ELAVL2: variants seen among roughly 807,000 people sequenced by gnomAD.
ELAVL2 encodes the protein ELAV-like protein 2.
A neutral mutation model predicts 34.6 loss-of-function variants in ELAVL2; 4 were observed. The ratio of observed to expected loss-of-function variants is 0.12; its 90% CI spans 0.06 to 0.26. The LOEUF (loss-of-function observed/expected upper bound fraction) is 0.26. Among genes scored for constraint, ELAVL2 ranks in the 10% least tolerant of loss-of-function variants. The pLI is 1.00. For missense variants in ELAVL2, 432 were observed against 442.8 expected (o/e 0.98, Z 0.22); for synonymous variants, 193 against 154.8 (o/e 1.25, Z -1.83).
chr9:23,800,194 A>T lies in ELAVL2; in HGVS notation c.-16+25612T>A, dbSNP rs532011612. On this transcript the variant is annotated intron_variant, in intron 1 of 6. Coordinates refer to ENST00000397312, the MANE Select transcript of ELAVL2 (RefSeq NM_004432.5). ...TCACAATCAACCTTTCATTATTCCC[A>T]TTCTGTAGGTCAGACATCGAAGGCT... Among the ~76,000 whole-genome samples, 15 of 152,316 alleles carry T rather than the reference A, an allele frequency of 9.8e-5. No individual in the cohort carries two copies. In the South Asian group the frequency reaches 2.9e-3, roughly 29 times the overall value.
chr9:23,736,582 C>T (rs1288669922), intron 2 of ELAVL2, among the ~76,000 whole-genome samples: 1 of 152,124 alleles, frequency 6.6e-6, no homozygotes, highest in African/African-American at 2.4e-5. Context: ...TAGCTCAAGT[C>T]TAACAGTGAA....
intron 2 of ELAVL2, among the ~76,000 whole-genome samples, chr9:23,751,569 C>T (rs2052043038): frequency 6.6e-6 from 1 of 152,118 alleles, no homozygotes; most frequent in African/African-American, 2.4e-5. Flanking sequence ...TATATCTAGA[C>T]TTGAACATCA....
At chr9:23,830,864 A>G (rs2065478560), upstream of ELAVL2, among the ~76,000 whole-genome samples, 1 of 152,034 alleles carries the variant, frequency 6.6e-6, no homozygotes, top group Non-Finnish European at 1.5e-5. Flanking sequence ...TCCTGAGCAT[A>G]AAAAGGGAAA....
At chr9:23,710,720 T>C (rs545014190) in intron 3 of ELAVL2, among the ~76,000 whole-genome samples, 3 of 152,198 alleles carry the variant, frequency 2.0e-5, no homozygotes, top group East Asian at 1.9e-4. Flanking sequence ...GGACAGTTAA[T>C]TGCTGTTCAT....
intron 2 of ELAVL2, among the ~76,000 whole-genome samples, chr9:23,752,190 T>C (rs978857433): frequency 1.3e-5 from 2 of 152,210 alleles, no homozygotes; most frequent in South Asian, 4.1e-4. Context: ...AGTACCCCTG[T>C]GTGCTAGGTA....
chr9:23,775,347 G>A (rs937870438), intron 1 of ELAVL2, among the ~76,000 whole-genome samples: 2 of 152,176 alleles, frequency 1.3e-5, no homozygotes, highest in African/African-American at 4.8e-5. Flanking sequence ...TCCAGCTTGG[G>A]TGGCAGAGCA....
chr9:23,816,458 T>A (rs950282471), intron 1 of ELAVL2, among the ~76,000 whole-genome samples: 4 of 151,456 alleles, frequency 2.6e-5, no homozygotes, highest in African/African-American at 9.7e-5. Flanking sequence ...TCTCCAATAA[T>A]GAACAACCCA....
intron 1 of ELAVL2, among the ~76,000 whole-genome samples, chr9:23,810,354 G>C (rs2062812512): frequency 6.6e-6 from 1 of 152,034 alleles, no homozygotes; most frequent in Non-Finnish European, 1.5e-5. Flanking sequence ...TGAGGAACAA[G>C]TTGTGGGCAT....
At chr9:23,790,395 G>A (rs2137185707) in intron 1 of ELAVL2, among the ~76,000 whole-genome samples, 1 of 152,278 alleles carries the variant, frequency 6.6e-6, no homozygotes, top group South Asian at 2.1e-4. Flanking sequence ...CACAGGTAAA[G>A]CCAAAATATA....
chr9:23,786,697 G>A (rs182900309), intron 1 of ELAVL2, among the ~76,000 whole-genome samples: 46 of 147,868 alleles, frequency 3.1e-4, no homozygotes, highest in Non-Finnish European at 1.5e-5. Flanking sequence ...CCAGGAGCCT[G>A]TTAAGACAGA....
At chr9:23,822,600 G>T (rs369591152) in intron 1 of ELAVL2, among the ~76,000 whole-genome samples, 2 of 152,186 alleles carry the variant, frequency 1.3e-5, no homozygotes, top group Non-Finnish European at 2.9e-5. Flanking sequence ...CCCACGGCTG[G>T]AAGTCAAAAC....
At chr9:23,774,153 G>A (rs2057791227) in intron 1 of ELAVL2, among the ~76,000 whole-genome samples, 1 of 135,516 alleles carries the variant, frequency 7.4e-6, no homozygotes, top group African/African-American at 2.8e-5. Flanking sequence ...AGAGCTTGCA[G>A]TGAGTCTAGA....
At chr9:23,789,692 A>G (rs1345593258) in intron 1 of ELAVL2, among the ~76,000 whole-genome samples, 1 of 152,170 alleles carries the variant, frequency 6.6e-6, no homozygotes, top group Admixed American at 6.5e-5. Flanking sequence ...ATGGCAAGAA[A>G]TTGCTTCCTA....
At chr9:23,704,821 T>G in intron 4 of ELAVL2, 97 bp downstream of exon 4, 2 of 1,481,808 alleles carry the variant, frequency 1.3e-6, no homozygotes, top group South Asian at 1.3e-5. Flanking sequence ...ACCTTTGATA[T>G]GTTCTAGAAG....
intron 2 of ELAVL2, among the ~76,000 whole-genome samples, chr9:23,738,796 T>C (rs2048476944): frequency 6.6e-6 from 1 of 152,204 alleles, no homozygotes; most frequent in Admixed American, 6.5e-5. Context: ...AGCCTAATTC[T>C]AGAGAGAGCG....
At chr9:23,734,411 G>A (rs1281204288) in intron 2 of ELAVL2, among the ~76,000 whole-genome samples, 1 of 152,144 alleles carries the variant, frequency 6.6e-6, no homozygotes, top group East Asian at 1.9e-4. Flanking sequence ...GCTTGGCAAG[G>A]TCAATCAGCT....
At position 23,816,932 on chromosome 9, in the gene ELAVL2, T is replaced by C. The variant is rs191737805; in HGVS notation, c.-16+8874A>G. Reference sequence around the variant, plus strand: ...CCATTTTCAACTTGCAATGGGTTTATCAGGAGCATCTGTATTAGATTGGCC... The same window carrying C: ...CCATTTTCAACTTGCAATGGGTTTACCAGGAGCATCTGTATTAGATTGGCC... On this transcript the variant is annotated intron_variant, in intron 1 of 6. Transcript: ENST00000397312. 1.1e-4 allele frequency among the ~76,000 whole-genome samples: 16 copies of C among 152,246 alleles called. No homozygotes were observed. The East Asian group carries it at 2.7e-3, about 26-fold the overall frequency.
intron 2 of ELAVL2, among the ~76,000 whole-genome samples, chr9:23,733,810 T>C (rs1348436226): frequency 1.3e-5 from 2 of 152,122 alleles, no homozygotes; most frequent in African/African-American, 2.4e-5. Context: ...TGTTATTTAT[T>C]TAACCAAAGG....
At chr9:23,735,647 G>C (rs1169208543) in intron 2 of ELAVL2, 1 of 152,192 alleles carries the variant, frequency 6.6e-6, no homozygotes, top group African/African-American at 2.4e-5. Context: ...CTGCACTGTT[G>C]TGTATGAATG....
Sources: allele counts gnomAD v4.1 joint callset (sites outside exome capture counted in the v4.1 genomes callset), GRCh38; gene constraint gnomAD v4.1.1; transcripts MANE v1.5; gene names NCBI Gene and HGNC (gene_info 2026-07-23, HGNC 2026-07-21).